Variants in PXDNL observed in about 807,000 individuals in gnomAD.
PXDNL encodes peroxidasin like, also known as probable oxidoreductase PXDNL.
A neutral mutation model predicts 150.8 loss-of-function variants in PXDNL; 145 were observed. That is an observed-to-expected ratio of 0.96 (90% CI 0.84 to 1.10). PXDNL has a LOEUF of 1.10. Among genes scored for constraint, PXDNL ranks in the 50% least tolerant of loss-of-function variants. The pLI is 0.00. For missense variants in PXDNL, 2,087 were observed against 1,873.9 expected, an observed-to-expected ratio of 1.11 and a Z score of -2.10; for synonymous variants, 757 against 725.7, an observed-to-expected ratio of 1.04 and a Z score of -0.69.
In PXDNL at chr8:51,727,238, T is replaced by C. The variant is rs116109987; in HGVS notation, c.165-72478A>G. 2.5e-3 allele frequency among the ~76,000 whole-genome samples: 382 copies of C among 152,340 alleles called. 4 individuals are homozygous for C. Among genetic ancestry groups the C allele is most frequent in the African/African-American group, 8.8e-3 (365 of 41,578 alleles). On this transcript the variant is annotated intron_variant, in intron 1 of 22. Transcript: ENST00000356297. ...CCTAAATGCCTTATGTTGATTGTAC[T>C]AAAGAGCATGGCATTTTGTTTTGTA... is the stretch of plus-strand genomic sequence containing the variant.
intron 14 of PXDNL, among the ~76,000 whole-genome samples, chr8:51,414,526 A>G (rs970204200): frequency 3.3e-5 from 5 of 151,832 alleles, no homozygotes; most frequent in African/African-American, 1.2e-4. Context: ...TCCACTGTCA[A>G]GTCATTGCAG....
chr8:51,370,906 T>C (rs780859552), intron 19 of PXDNL, among the ~76,000 whole-genome samples: 2 of 152,190 alleles, frequency 1.3e-5, no homozygotes, highest in Admixed American at 6.5e-5. Context: ...CAGTGTTCTA[T>C]CACACTTCTA....
chr8:51,504,144 T>G lies in PXDNL; in HGVS notation c.381-4374A>C, dbSNP rs527436362. 2.6e-5 allele frequency among the ~76,000 whole-genome samples: 4 copies of G among 152,292 alleles called. 1 individual carries two copies. In the South Asian group the frequency reaches 8.3e-4, roughly 32 times the overall value. Reference sequence around the variant, plus strand: ...CTCTTGAATGTATTCCATTCTCCTCTTACCCACTACTTCCACACTAGAGCA... The same window carrying G: ...CTCTTGAATGTATTCCATTCTCCTCGTACCCACTACTTCCACACTAGAGCA... On this transcript the variant is annotated intron_variant, in intron 4 of 22. Coordinates refer to ENST00000356297, the MANE Select transcript of PXDNL (RefSeq NM_144651.5).
intron 1 of PXDNL, among the ~76,000 whole-genome samples, chr8:51,668,176 C>CTTTTTTTTTT (rs71550279): frequency 0.098 from 7,458 of 76,400 alleles, 1,910 homozygotes; most frequent in East Asian, 0.15. Context: ...CTCGCTCTCT[C>CTTTTTTTTTT]TTTTTTTTTT....
At chr8:51,331,018 G>C (rs189490614) in intron 21 of PXDNL, among the ~76,000 whole-genome samples, 1 of 152,112 alleles carries the variant, frequency 6.6e-6, no homozygotes, top group African/African-American at 2.4e-5. Flanking sequence ...GCAGCATTGC[G>C]GAGGCTTGCA....
chr8:51,718,210 A>C (rs1399574142), intron 1 of PXDNL, among the ~76,000 whole-genome samples: 1 of 151,992 alleles, frequency 6.6e-6, no homozygotes, highest in Non-Finnish European at 1.5e-5. Context: ...CCAACACCAC[A>C]GCCACAGGCA....
chr8:51,509,987 G>A (rs924282457), intron 4 of PXDNL, among the ~76,000 whole-genome samples: 1 of 151,992 alleles, frequency 6.6e-6, no homozygotes, highest in African/African-American at 2.4e-5. Flanking sequence ...AGATCCTAAA[G>A]AGTTTTGGCA....
chr8:51,562,359 A>C (rs1439469045), intron 3 of PXDNL, among the ~76,000 whole-genome samples: 1 of 151,998 alleles, frequency 6.6e-6, no homozygotes, highest in Non-Finnish European at 1.5e-5. Context: ...ATTTATTTAG[A>C]TAACTAAAGA....
At position 51,796,301 on chromosome 8, in the gene PXDNL, G is replaced by C. The variant is rs555773022; in HGVS notation, c.164+12880C>G. Reference sequence around the variant, plus strand: ...GAAATGAAAGGAATAACCAAGATCAGAGTGGAAATGAAAGGAGATAGAGAC... The same window carrying C: ...GAAATGAAAGGAATAACCAAGATCACAGTGGAAATGAAAGGAGATAGAGAC... On this transcript the variant is annotated intron_variant, in intron 1 of 22. Coordinates refer to ENST00000356297, the MANE Select transcript of PXDNL (RefSeq NM_144651.5). Among the ~76,000 whole-genome samples the C allele has an allele frequency of 9.2e-4, 137 of 148,584 alleles. 1 individual carries two copies. Among genetic ancestry groups the C allele is most frequent in the African/African-American group, 3.3e-3 (131 of 40,164 alleles).
chr8:51,686,339 A>G (rs1815872084), intron 1 of PXDNL, among the ~76,000 whole-genome samples: 1 of 152,250 alleles, frequency 6.6e-6, no homozygotes, highest in Non-Finnish European at 1.5e-5. Flanking sequence ...CCAGCCTGGA[A>G]TGATTCATAG....
intron 1 of PXDNL, among the ~76,000 whole-genome samples, chr8:51,739,733 G>A (rs894312001): frequency 6.6e-6 from 1 of 151,992 alleles, no homozygotes; most frequent in East Asian, 1.9e-4. Flanking sequence ...AAAATTAGCT[G>A]GGCATGGTGG....
intron 1 of PXDNL, among the ~76,000 whole-genome samples, chr8:51,663,576 A>C (rs141201563): frequency 1.2e-4 from 18 of 152,340 alleles, no homozygotes; most frequent in Non-Finnish European, 1.5e-4. Context: ...CCAGATCATT[A>C]AAAGCATCTG....
intron 1 of PXDNL, among the ~76,000 whole-genome samples, chr8:51,718,638 C>A (rs1297019492): frequency 1.3e-5 from 2 of 152,152 alleles, no homozygotes; most frequent in Admixed American, 6.5e-5. Flanking sequence ...TCATAGAATT[C>A]TTTTGAAAAG....
chr8:51,533,754 CG>C (rs1811970143), intron 4 of PXDNL, among the ~76,000 whole-genome samples: 1 of 149,554 alleles, frequency 6.7e-6, no homozygotes, highest in Non-Finnish European at 1.5e-5. Flanking sequence ...CCCGAGGTGC[CG>C]GGATTGCAGA....
chr8:51,362,138 T>C (rs1467809049), intron 19 of PXDNL, among the ~76,000 whole-genome samples: 1 of 152,168 alleles, frequency 6.6e-6, no homozygotes, highest in Non-Finnish European at 1.5e-5. Flanking sequence ...AAATATCTGT[T>C]AACATTTTGG....
At chr8:51,475,465 A>G (rs1014601421) in intron 6 of PXDNL, among the ~76,000 whole-genome samples, 2 of 152,178 alleles carry the variant, frequency 1.3e-5, no homozygotes, top group African/African-American at 4.8e-5. Flanking sequence ...GAAATGTAGA[A>G]TTAAAACTGT....
intron 1 of PXDNL, among the ~76,000 whole-genome samples, chr8:51,780,023 C>T (rs7000135): frequency 0.51 from 77,130 of 151,948 alleles, 23,691 homozygotes; most frequent in Non-Finnish European, 0.68. Flanking sequence ...ACCAGCCTGG[C>T]CATCATGGGA....
chr8:51,420,826 C>A (rs961325790), intron 14 of PXDNL, among the ~76,000 whole-genome samples: 1 of 152,054 alleles, frequency 6.6e-6, no homozygotes, highest in African/African-American at 2.4e-5. Context: ...GTAGCTGGGA[C>A]TACAGGTAAG....
At chr8:51,674,874 A>G (rs749055619) in intron 1 of PXDNL, among the ~76,000 whole-genome samples, 1 of 152,220 alleles carries the variant, frequency 6.6e-6, no homozygotes, top group Non-Finnish European at 1.5e-5. Flanking sequence ...GTCTCATTCC[A>G]AAGTGTTTAG....
Sources: allele counts gnomAD v4.1 joint callset (sites outside exome capture counted in the v4.1 genomes callset), GRCh38; gene constraint gnomAD v4.1.1; transcripts MANE v1.5; gene names NCBI Gene and HGNC (gene_info 2026-07-23, HGNC 2026-07-21).